The following DDC variants were observed in gnomAD, a reference collection of about 807,000 sequenced individuals.
DDC encodes the protein dopa decarboxylase, also known as aromatic-L-amino-acid decarboxylase.
DDC carries 43 observed loss-of-function variants against 60.0 expected under a neutral mutation model. The ratio of observed to expected loss-of-function variants is 0.72; its 90% confidence interval spans 0.56 to 0.92. The LOEUF (loss-of-function observed/expected upper bound fraction) is 0.92, where lower values mean the gene tolerates loss of function less well. DDC is among the 40% of genes least tolerant of loss of function. The pLI is 0.00. For synonymous variants in DDC, 232 were observed against 234.6 expected, an observed-to-expected ratio of 0.99 and a Z score of 0.10; for missense variants, 573 against 620.2, an observed-to-expected ratio of 0.92 and a Z score of 0.81.
intron 1 of DDC, among the ~76,000 whole-genome samples, chr7:50,562,992 TC>T (rs2045373560): frequency 1.3e-5 from 2 of 151,852 alleles, no homozygotes; most frequent in African/African-American, 2.4e-5. Flanking sequence ...CATGATGAAA[TC>T]CCACCTCTAC....
chr7:50,540,324 C>T (rs2044582751), intron 2 of DDC, among the ~76,000 whole-genome samples: 2 of 152,170 alleles, frequency 1.3e-5, no homozygotes, highest in African/African-American at 4.8e-5. Flanking sequence ...AAATCCTTAT[C>T]ATTTTCCATA....
At chr7:50,491,579 C>G (rs1205147418) in intron 9 of DDC, among the ~76,000 whole-genome samples, 1 of 151,932 alleles carries the variant, frequency 6.6e-6, no homozygotes, top group African/African-American at 2.4e-5. Context: ...TTTACTATGC[C>G]AAAGGAAAAA....
chr7:50,479,661 C>A lies in DDC; in HGVS notation c.1021+126G>T, dbSNP rs11575458. The A allele has an allele frequency of 1.8e-5, 16 of 881,370 alleles. No homozygotes were observed. The African/African-American group carries it at 2.6e-4, about 15-fold the overall frequency. 54.6% of individuals were successfully genotyped at this position (881,370 alleles called of 1,614,324 possible). On this transcript the variant is annotated intron_variant, in intron 10 of 14. Coordinates refer to ENST00000444124, the MANE Select transcript of DDC (RefSeq NM_001082971.2). The stretch of plus-strand genomic sequence containing the variant: ...AGGGCAAATCCAGGAATGCACAGCA[C>A]CCCGTCTTCTCTGTGAAAGCCTCCT...
intron 9 of DDC, among the ~76,000 whole-genome samples, chr7:50,494,652 T>TA: frequency 6.6e-6 from 1 of 151,688 alleles, no homozygotes; most frequent in African/African-American, 2.4e-5. Context: ...ACATGGTTAC[T>TA]ATTATTTTTC....
At chr7:50,460,037 G>A (rs1197012233) in intron 14 of DDC, among the ~76,000 whole-genome samples, 5 of 140,394 alleles carry the variant, frequency 3.6e-5, no homozygotes, top group South Asian at 2.3e-4. Context: ...CCGGCCAGCT[G>A]CCCCGTCCGG....
intron 4 of DDC, 32 bp downstream of exon 4, chr7:50,537,828 C>G: frequency 6.2e-7 from 1 of 1,614,086 alleles, no homozygotes; most frequent in South Asian, 1.1e-5. Context: ...GCCCATGCAT[C>G]CCAAAAGTGG....
intron 1 of DDC, among the ~76,000 whole-genome samples, chr7:50,553,457 CT>C (rs1016000178): frequency 1.4e-5 from 2 of 139,222 alleles, no homozygotes; most frequent in African/African-American, 2.6e-5. Flanking sequence ...TAGCTGCTTT[CT>C]TTTTTTCTTT....
At chr7:50,486,508 A>C (rs918246698) in intron 9 of DDC, among the ~76,000 whole-genome samples, 5 of 152,220 alleles carry the variant, frequency 3.3e-5, no homozygotes, top group Admixed American at 1.3e-4. Context: ...TATGGAGTTT[A>C]AAATAAGCTG....
intron 1 of DDC, among the ~76,000 whole-genome samples, chr7:50,561,565 C>T (rs2045344563): frequency 6.6e-6 from 1 of 152,126 alleles, no homozygotes; most frequent in Non-Finnish European, 1.5e-5. Flanking sequence ...ATCTCAAACT[C>T]CTGTGCTGTT....
chr7:50,519,084 A>T (rs1236956338), intron 6 of DDC, among the ~76,000 whole-genome samples: 1 of 152,340 alleles, frequency 6.6e-6, no homozygotes, highest in Middle Eastern at 3.4e-3. Context: ...GGCTAAGGAC[A>T]TGAATAGACA....
At position 50,544,129 on chromosome 7, in the gene DDC, G is replaced by C. The variant is rs1228264814; in HGVS notation, c.-28-16C>G. On this transcript the variant is annotated splice_polypyrimidine_tract_variant and intron_variant, in intron 1 of 14. Transcript: ENST00000444124. Reference sequence around the variant, plus strand: ...GAGGTGAAAACTGCAGAAAGAAAATGATTCAGTGAGCAAATTTTGCAACCT... The same window carrying C: ...GAGGTGAAAACTGCAGAAAGAAAATCATTCAGTGAGCAAATTTTGCAACCT... The C allele has an allele frequency of 6.3e-7, 1 of 1,594,730 alleles. No individual in the cohort carries two copies. Among genetic ancestry groups the C allele is most frequent in the Non-Finnish European group, 8.6e-7 (1 of 1,162,624 alleles).
chr7:50,552,384 T>C (rs2045027764), intron 1 of DDC, among the ~76,000 whole-genome samples: 1 of 152,226 alleles, frequency 6.6e-6, no homozygotes, highest in African/African-American at 2.4e-5. Flanking sequence ...CACTATTCTC[T>C]ACCCCACACT....
At chr7:50,474,618 G>C (rs1399017898) in intron 11 of DDC, among the ~76,000 whole-genome samples, 1 of 152,236 alleles carries the variant, frequency 6.6e-6, no homozygotes, top group Admixed American at 6.5e-5. Flanking sequence ...GCAGAGCTGG[G>C]CTGGTTTTTG....
At chr7:50,549,807 T>C (rs1050457925) in intron 1 of DDC, among the ~76,000 whole-genome samples, 1 of 152,152 alleles carries the variant, frequency 6.6e-6, no homozygotes, top group African/African-American at 2.4e-5. Flanking sequence ...ATGGTGGAAA[T>C]AGAGAACTAG....
chr7:50,513,906 A>C (rs916482743), intron 6 of DDC, among the ~76,000 whole-genome samples: 7 of 151,980 alleles, frequency 4.6e-5, no homozygotes, highest in African/African-American at 1.5e-4. Context: ...AGCGAAAGAC[A>C]AAGGGCATAT....
intron 8 of DDC, among the ~76,000 whole-genome samples, chr7:50,498,051 A>G (rs2043163478): frequency 6.6e-6 from 1 of 152,238 alleles, no homozygotes; most frequent in South Asian, 2.1e-4. Flanking sequence ...AAATCACAAA[A>G]GCACCTAATG....
At chr7:50,545,171 G>A (rs970384804) in intron 1 of DDC, among the ~76,000 whole-genome samples, 1 of 152,244 alleles carries the variant, frequency 6.6e-6, no homozygotes, top group Non-Finnish European at 1.5e-5. Context: ...AAGGTAGTGT[G>A]TCCCTTTGTT....
intron 4 of DDC, among the ~76,000 whole-genome samples, chr7:50,536,330 A>C (rs1418655924): frequency 6.6e-6 from 1 of 152,144 alleles, no homozygotes; most frequent in Non-Finnish European, 1.5e-5. Flanking sequence ...TGTCCCCCTA[A>C]AATGTATACA....
Position 50,528,226 on chromosome 7 carries a change from T to A in DDC, c.625A>T (p.Ile209Phe). ...ATGGCGAAGTTGCCATCTGAGGGGA[T>A]GGCTTTTAATTTCACTCCACCAATT... is the stretch of plus-strand genomic sequence containing the variant. ...GLIGGVKLKA[I>F]PSDGNFAMRA... is the part of the protein sequence containing the mutation. Residue 209 changes from isoleucine to phenylalanine, a missense_variant, in exon 6 of 15, where the codon ATC becomes TTC. By Grantham distance (21) the Ile-to-Phe change is conservative. Coordinates refer to ENST00000444124, the MANE Select transcript of DDC (RefSeq NM_001082971.2). 1 of 1,614,170 alleles carries A rather than the reference T, an allele frequency of 6.2e-7. No individual in the cohort carries two copies. Among genetic ancestry groups the A allele is most frequent in the Non-Finnish European group, 8.5e-7 (1 of 1,180,042 alleles).
Sources: allele counts gnomAD v4.1 joint callset (sites outside exome capture counted in the v4.1 genomes callset), GRCh38; gene constraint gnomAD v4.1.1; transcripts MANE v1.5; gene names NCBI Gene and HGNC (gene_info 2026-07-23, HGNC 2026-07-21).